The following GANC variants were observed in gnomAD, a reference collection of about 807,000 sequenced individuals.
GANC encodes the protein glucosidase alpha, neutral C.
Under a neutral mutation model 124.2 loss-of-function variants are expected in GANC, and 117 were observed. The observed-to-expected ratio is 0.94, with a 90% CI of 0.81 to 1.10. The LOEUF is 1.10. Among genes scored for constraint, GANC ranks in the 50% least tolerant of loss-of-function variants. The pLI is 0.00. For missense variants in GANC, 1,140 were observed against 1,095.0 expected, an observed-to-expected ratio of 1.04 and a Z score of -0.58; for synonymous variants, 377 against 376.8, an observed-to-expected ratio of 1.00 and a Z score of -0.01.
chr15:42,276,765 C>T (rs1172673841), intron 2 of GANC, among the ~76,000 whole-genome samples: 3 of 152,106 alleles, frequency 2.0e-5, no homozygotes, highest in South Asian at 2.1e-4. Flanking sequence ...CATCTTGTCC[C>T]GAATAACCGA....
rs1028023726 is a variant in GANC, at chr15:42,352,718, A to G, written c.*579A>G. Reference sequence around the variant, plus strand: ...AGCACGAAGGATTCTTTTCTCTTTCATGCTTCTCAGGCTCAATAGTTTCTA... The same window carrying G: ...AGCACGAAGGATTCTTTTCTCTTTCGTGCTTCTCAGGCTCAATAGTTTCTA... On this transcript the variant is annotated 3_prime_UTR_variant, in exon 24 of 24. Coordinates refer to ENST00000318010, the MANE Select transcript of GANC (RefSeq NM_198141.3). 2 of 985,778 alleles carry G rather than the reference A, an allele frequency of 2.0e-6. No homozygotes were observed. Among genetic ancestry groups the G allele is most frequent in the Non-Finnish European group, 2.4e-6 (2 of 829,940 alleles). The allele number at this position is 985,778 out of a possible 1,614,324, so 61.1% of individuals were successfully genotyped here.
chr15:42,351,512 C>T (rs142045122), intron 23 of GANC, 80 bp downstream of exon 23: 98 of 993,068 alleles, frequency 9.9e-5, no homozygotes, highest in African/African-American at 8.3e-4. Context: ...AGTCCCCAAA[C>T]GGAGATAATA....
chr15:42,345,239 A>G (rs1301857635), intron 19 of GANC, among the ~76,000 whole-genome samples: 1 of 150,332 alleles, frequency 6.7e-6, no homozygotes, highest in Non-Finnish European at 1.5e-5. Context: ...ATACTATAAT[A>G]GTAATTCAAG....
In GANC at chr15:42,274,431, C is replaced by G; in HGVS notation, c.-51C>G. The G allele has an allele frequency of 1.3e-6, 2 of 1,594,694 alleles. No homozygotes were observed. The highest frequency in any genetic ancestry group is 1.7e-6 in the Non-Finnish European group (2 of 1,170,102). On this transcript the variant is annotated 5_prime_UTR_variant, in exon 1 of 24. Transcript: ENST00000318010. Reference sequence around the variant, plus strand: ...CCAATCGGCTTTTTTAAAAGATCGCCCAGGGCCCTTGTCCTGAGAGCTGGG... The same window carrying G: ...CCAATCGGCTTTTTTAAAAGATCGCGCAGGGCCCTTGTCCTGAGAGCTGGG...
In GANC at chr15:42,353,324, A is replaced by G. The variant is rs1404329045; in HGVS notation, c.*1185A>G. The G allele has an allele frequency of 2.0e-6, 2 of 986,192 alleles. No individual in the cohort carries two copies. The highest frequency in any genetic ancestry group is 2.4e-6 in the Non-Finnish European group (2 of 830,268). The allele number at this position is 986,192 out of a possible 1,614,324, so 61.1% of individuals were successfully genotyped here. On this transcript the variant is annotated 3_prime_UTR_variant, in exon 24 of 24. Coordinates refer to ENST00000318010, the MANE Select transcript of GANC (RefSeq NM_198141.3). ...CTGTGCCTTCTGATCCCTGGGCGCC[A>G]ATATCCTCCTGCCCTTACCATCCTT...
At position 42,297,732 on chromosome 15, in the gene GANC, T is replaced by C; in HGVS notation, c.558+76T>C. ...GATAGGGCATATAAGGAATTCTCTT[T>C]CTTCCTTCTACAGAAGGGTGCTTGT... On this transcript the variant is annotated intron_variant, in intron 6 of 23. Coordinates refer to ENST00000318010, the MANE Select transcript of GANC (RefSeq NM_198141.3). The C allele has an allele frequency of 5.5e-6, 6 of 1,086,966 alleles. No individual in the cohort carries two copies. In the South Asian group the frequency reaches 5.8e-5, roughly 10 times the overall value. 67.3% of individuals were successfully genotyped at this position (1,086,966 alleles called of 1,614,324 possible). A position where few individuals can be genotyped will look rare whatever the true frequency, so the allele number is the denominator to read the frequency against.
In GANC at chr15:42,273,236, TAGTGA is replaced by T. The variant is rs766104790; in HGVS notation, c.-1239_-1235del. ...CCCTTGCTCCTCTAGGTTCAGACGT[TAGTGA>T]AGTGAATACTCACCGACGGTATCGG... On this transcript the variant is annotated 5_prime_UTR_variant, in exon 1 of 24. Transcript: ENST00000318010. The T allele has an allele frequency of 2.3e-4, 373 of 1,613,814 alleles. 1 individual carries two copies. Among genetic ancestry groups the T allele is most frequent in the South Asian group, 3.7e-4 (34 of 91,078 alleles).
At chr15:42,326,224 A>G in intron 11 of GANC, 74 bp from the exon 12 acceptor site, 3 of 1,075,374 alleles carry the variant, frequency 2.8e-6, no homozygotes, top group East Asian at 2.4e-5. Flanking sequence ...CCCCCAAACT[A>G]TGGCGAAAAC....
intron 10 of GANC, among the ~76,000 whole-genome samples, chr15:42,319,907 A>G (rs1198071744): frequency 1.3e-5 from 2 of 152,158 alleles, no homozygotes; most frequent in Non-Finnish European, 2.9e-5. Flanking sequence ...TTTAGAGGCC[A>G]GATTTGGTGG....
rs1022166600 is a variant in GANC at position 42,339,552 on chromosome 15, G to A, written c.1844-117G>A. On this transcript the variant is annotated intron_variant, in intron 16 of 23. Coordinates refer to ENST00000318010, the MANE Select transcript of GANC (RefSeq NM_198141.3). The stretch of plus-strand genomic sequence containing the variant: ...CTGTTTGAGGCCACGGCTTTATCCT[G>A]TCATTTGAAGTGCATATACTGCACT... 3.9e-5 allele frequency: 48 copies of A among 1,219,784 alleles called. No individual in the cohort carries two copies. The African/African-American group carries it at 7.1e-4, about 18-fold the overall frequency. 75.6% of individuals were successfully genotyped at this position (1,219,784 alleles called of 1,614,324 possible).
At chr15:42,303,670 G>GAAAAAAAAAAAAAAAAAA (rs150074091) in intron 6 of GANC, among the ~76,000 whole-genome samples, 3 of 128,562 alleles carry the variant, frequency 2.3e-5, no homozygotes, top group Non-Finnish European at 1.6e-5. Context: ...TATTTACCAA[G>GAAAAAAAAAAAAAAAAAA]AAAAAAAAAA....
At chr15:42,284,356 G>A in intron 3 of GANC, 1 of 211,906 alleles carries the variant, frequency 4.7e-6, no homozygotes, top group Non-Finnish European at 9.4e-6. Context: ...CCACCATGAT[G>A]TTTACAAAAT....
chr15:42,310,309 A>G lies in GANC; in HGVS notation c.749A>G (p.Asn250Ser). ...TGDGDAYRLY[N>S]LDVYGYQIYD... Reference sequence around the variant, plus strand: ...GATGGAGATGCTTACCGTCTTTATAACCTGGATGTCTATGGATACCAAATA... The same window carrying G: ...GATGGAGATGCTTACCGTCTTTATAGCCTGGATGTCTATGGATACCAAATA... Residue 250 changes from asparagine to serine, a missense_variant, in exon 9 of 24, where the codon AAC becomes AGC. Coordinates refer to ENST00000318010, the MANE Select transcript of GANC (RefSeq NM_198141.3). The G allele has an allele frequency of 1.2e-6, 2 of 1,609,246 alleles. No homozygotes were observed. Among genetic ancestry groups the G allele is most frequent in the Non-Finnish European group, 8.5e-7 (1 of 1,177,320 alleles).
At chr15:42,314,071 C>G (rs769192719) in intron 10 of GANC, 16 of 712,938 alleles carry the variant, frequency 2.2e-5, no homozygotes, top group Middle Eastern at 2.3e-4. Flanking sequence ...CAGCCTACCT[C>G]TTTTACAGAC....
At chr15:42,340,975 A>C (rs778328011) in intron 18 of GANC, among the ~76,000 whole-genome samples, 1 of 151,922 alleles carries the variant, frequency 6.6e-6, no homozygotes, top group Non-Finnish European at 1.5e-5. Flanking sequence ...CATCTTGGCC[A>C]GGCTGGTCTT....
chr15:42,274,472 C>G lies in GANC; in HGVS notation c.-10C>G. On this transcript the variant is annotated 5_prime_UTR_variant, in exon 1 of 24. Transcript: ENST00000318010. Reference sequence around the variant, plus strand: ...GAGAGCTGGGAGCTGGTCGGAGTGACAGAGAAGCCATGGAAGCAGCAGTGA... The same window carrying G: ...GAGAGCTGGGAGCTGGTCGGAGTGAGAGAGAAGCCATGGAAGCAGCAGTGA... The G allele has an allele frequency of 6.2e-7, 1 of 1,610,228 alleles. No homozygotes were observed. The highest frequency in any genetic ancestry group is 1.3e-5 in the African/African-American group (1 of 74,942).
Position 42,325,438 on chromosome 15 carries a change from A to G in GANC, c.1294-860A>G, listed in dbSNP as rs559752194. Among the ~76,000 whole-genome samples, 11 of 152,318 alleles carry G rather than the reference A, an allele frequency of 7.2e-5. 1 individual carries two copies. In the South Asian group the frequency reaches 2.3e-3, roughly 32 times the overall value. ...AGACTGGTGGAAGTGATGGTATTGT[A>G]AAGTCACAGAGAGATGCTAGAGACA... On this transcript the variant is annotated intron_variant, in intron 11 of 23. Transcript: ENST00000318010.
At chr15:42,340,601 T>TAAA (rs369001717) in intron 17 of GANC, 89 bp from the exon 18 acceptor site, 1,512 of 792,878 alleles carry the variant, frequency 1.9e-3, no homozygotes, top group East Asian at 2.6e-3. Context: ...GAGATCCATC[T>TAAA]AAAAAAAAAA....
At position 42,274,166 on chromosome 15, in the gene GANC, A is replaced by G; in HGVS notation, c.-316A>G. The G allele has an allele frequency of 2.7e-6, 1 of 373,220 alleles. No individual in the cohort carries two copies. The allele number at this position is 373,220 out of a possible 1,614,324, so 23.1% of individuals were successfully genotyped here. A position where few individuals can be genotyped will look rare whatever the true frequency, so the allele number is the denominator to read the frequency against. On this transcript the variant is annotated 5_prime_UTR_variant, in exon 1 of 24. An upstream open reading frame in the 5' UTR loses its in-frame stop. Coordinates refer to ENST00000318010, the MANE Select transcript of GANC (RefSeq NM_198141.3). ...TTAACGCTCTTGATTTTTACCCTCTAGGACTCATTGCGTACACGCCCTCAC... is the reference window on the plus strand; with the variant it reads ...TTAACGCTCTTGATTTTTACCCTCTGGGACTCATTGCGTACACGCCCTCAC...
Sources: gnomAD v4.1 joint callset for allele counts (sites outside exome capture counted in the v4.1 genomes callset) on GRCh38, gnomAD v4.1.1 for gene constraint, MANE v1.5 for transcripts, NCBI Gene and HGNC (gene_info 2026-07-23, HGNC 2026-07-21) for gene names.